RBFOX1: variants seen among roughly 807,000 people sequenced by gnomAD.
The protein encoded by RBFOX1 is RNA binding protein fox-1 homolog 1.
A neutral mutation model predicts 57.7 loss-of-function variants in RBFOX1; 8 were observed. The ratio of observed to expected loss-of-function variants is 0.14; its 90% CI spans 0.08 to 0.25. The LOEUF (loss-of-function observed/expected upper bound fraction) is 0.25. Among genes scored for constraint, RBFOX1 ranks in the 10% least tolerant of loss-of-function variants. The pLI is 1.00. For synonymous variants in RBFOX1, 326 were observed against 222.4 expected, an observed-to-expected ratio of 1.47 and a Z score of -4.15; for missense variants, 611 against 548.5, an observed-to-expected ratio of 1.11 and a Z score of -1.14.
chr16:6,123,762 C>T (rs1400009114), intron 1 of RBFOX1, among the ~76,000 whole-genome samples: 10 of 152,012 alleles, frequency 6.6e-5, no homozygotes, highest in Admixed American at 1.3e-4. Context: ...AAAATTAGCC[C>T]GGCATGTTGG....
intron 3 of RBFOX1, among the ~76,000 whole-genome samples, chr16:5,766,559 C>T (rs550374125): frequency 2.8e-4 from 42 of 152,078 alleles, no homozygotes; most frequent in African/African-American, 3.6e-4. Flanking sequence ...TACTCCAGCC[C>T]GGGCAACAGT....
intron 4 of RBFOX1, among the ~76,000 whole-genome samples, chr16:7,375,290 T>C (rs1286419180): frequency 6.6e-6 from 1 of 152,194 alleles, no homozygotes; most frequent in African/African-American, 2.4e-5. Flanking sequence ...AAACTACTTC[T>C]ATGCCATCTT....
intron 2 of RBFOX1, among the ~76,000 whole-genome samples, chr16:6,509,453 G>T (rs2096200790): frequency 6.6e-6 from 1 of 152,160 alleles, no homozygotes. Flanking sequence ...AACTTTGCAT[G>T]TTCTTGCTTA....
intron 3 of RBFOX1, among the ~76,000 whole-genome samples, chr16:6,655,878 G>C (rs1393561839): frequency 6.6e-6 from 1 of 152,106 alleles, no homozygotes; most frequent in Non-Finnish European, 1.5e-5. Flanking sequence ...TTAATAAGGT[G>C]GTGGAGGACT....
intron 1 of RBFOX1, among the ~76,000 whole-genome samples, chr16:6,277,665 C>CAA (rs60150908): frequency 1.3e-3 from 149 of 119,064 alleles, no homozygotes; most frequent in African/African-American, 4.3e-3. Context: ...GACCTTGTCT[C>CAA]AAAAAAAAAA....
At chr16:5,666,003 C>G (rs1184873087) in intron 3 of RBFOX1, among the ~76,000 whole-genome samples, 1 of 152,250 alleles carries the variant, frequency 6.6e-6, no homozygotes, top group African/African-American at 2.4e-5. Flanking sequence ...GCCGTCAAAA[C>G]TGCCACCCAC....
chr16:6,675,195 C>T (rs910148023), intron 3 of RBFOX1, among the ~76,000 whole-genome samples: 8 of 152,258 alleles, frequency 5.3e-5, no homozygotes, highest in East Asian at 1.9e-4. Flanking sequence ...TAAGCCACTG[C>T]GCCCGGCCCA....
At chr16:7,033,610 C>G (rs532292825) in intron 3 of RBFOX1, among the ~76,000 whole-genome samples, 9 of 152,282 alleles carry the variant, frequency 5.9e-5, no homozygotes, top group African/African-American at 2.2e-4. Context: ...TTTAAAGACA[C>G]AGAATGGCTC....
At chr16:7,506,511 G>A (rs546880380) in intron 4 of RBFOX1, among the ~76,000 whole-genome samples, 4 of 152,124 alleles carry the variant, frequency 2.6e-5, no homozygotes, top group Non-Finnish European at 5.9e-5. Flanking sequence ...CATAATTGGT[G>A]TGCAAGAAAA....
intron 4 of RBFOX1, among the ~76,000 whole-genome samples, chr16:7,276,597 C>G (rs1170558176): frequency 3.3e-5 from 5 of 152,012 alleles, no homozygotes; most frequent in Non-Finnish European, 2.9e-5. Flanking sequence ...TCACTTAATT[C>G]ATTTTATGCC....
intron 3 of RBFOX1, among the ~76,000 whole-genome samples, chr16:5,694,226 T>C (rs1222105115): frequency 1.3e-5 from 2 of 152,134 alleles, no homozygotes; most frequent in Non-Finnish European, 2.9e-5. Flanking sequence ...GCCTGAGGGG[T>C]TTACCAGCCT....
chr16:5,442,839 A>G (rs2068125540), intron 1 of RBFOX1, among the ~76,000 whole-genome samples: 1 of 152,134 alleles, frequency 6.6e-6, no homozygotes, highest in Non-Finnish European at 1.5e-5. Flanking sequence ...GCAACCTTGG[A>G]AATAAGGTCT....
rs367712001 is a variant in RBFOX1, at chr16:7,587,209, T to G, written c.415-38T>G. On this transcript the variant is annotated intron_variant, in intron 6 of 15. Transcript: ENST00000550418. ...TGTACATAGTAATGTCTACTGCATT[T>G]CTCTTCTTGCTTATAAGATATTTCT... 26 of 1,488,418 alleles carry G rather than the reference T, an allele frequency of 1.7e-5. No individual in the cohort carries two copies. In the African/African-American group the frequency reaches 3.7e-4, roughly 21 times the overall value. The allele number at this position is 1,488,418 out of a possible 1,614,324, so 92.2% of individuals were successfully genotyped here. A position where few individuals can be genotyped will look rare whatever the true frequency, so the allele number is the denominator to read the frequency against.
chr16:7,702,644 T>G (rs911200735), intron 14 of RBFOX1, among the ~76,000 whole-genome samples: 1 of 152,222 alleles, frequency 6.6e-6, no homozygotes, highest in Admixed American at 6.5e-5. Flanking sequence ...GGTCTTGTTC[T>G]TTCTTTTCCT....
intron 2 of RBFOX1, among the ~76,000 whole-genome samples, chr16:6,535,866 G>C (rs989016702): frequency 1.3e-5 from 2 of 152,148 alleles, no homozygotes; most frequent in African/African-American, 4.8e-5. Flanking sequence ...TGGCAATGTA[G>C]ATTTTTTAAA....
chr16:7,671,637 G>C (rs776062189), intron 13 of RBFOX1: 2 of 1,575,382 alleles, frequency 1.3e-6, no homozygotes, highest in Non-Finnish European at 1.7e-6. Context: ...TCATCACTAT[G>C]ATTGTGGGTT....
chr16:7,334,974 T>C (rs1339321545), intron 4 of RBFOX1, among the ~76,000 whole-genome samples: 2 of 152,214 alleles, frequency 1.3e-5, no homozygotes, highest in African/African-American at 2.4e-5. Context: ...ATATGTGTTA[T>C]CTCCTTTCTT....
At chr16:6,139,785 C>A (rs371610188) in intron 1 of RBFOX1, among the ~76,000 whole-genome samples, 1 of 151,430 alleles carries the variant, frequency 6.6e-6, no homozygotes, top group African/African-American at 2.4e-5. Flanking sequence ...TTTTGTTTCT[C>A]CTTCTCCTGT....
chr16:6,870,119 G>A (rs1419857610), intron 3 of RBFOX1, among the ~76,000 whole-genome samples: 1 of 151,864 alleles, frequency 6.6e-6, no homozygotes, highest in African/African-American at 2.4e-5. Context: ...ATGATTTTTT[G>A]CATAAGGCTC....
Sources: gnomAD v4.1 joint callset for allele counts (sites outside exome capture counted in the v4.1 genomes callset) on GRCh38, gnomAD v4.1.1 for gene constraint, MANE v1.5 for transcripts, NCBI Gene and HGNC (gene_info 2026-07-23, HGNC 2026-07-21) for gene names.